The following TNFRSF4 variants were observed in gnomAD, a reference collection of about 807,000 sequenced individuals.
TNFRSF4 encodes the protein TNF receptor superfamily member 4.
Under a neutral mutation model 29.5 loss-of-function variants are expected in TNFRSF4, and 21 were observed. That is an observed-to-expected ratio of 0.71 (90% CI 0.51 to 1.03). The LOEUF (loss-of-function observed/expected upper bound fraction) is 1.03. TNFRSF4 is among the 50% of genes least tolerant of loss of function. TNFRSF4 has a pLI of 0.00. For synonymous variants in TNFRSF4, 197 were observed against 172.7 expected (o/e 1.14, Z -1.10); for missense variants, 408 against 387.8 (o/e 1.05, Z -0.44).
chr1:1,212,402 T>C (rs1557506376), intron 4 of TNFRSF4, among the ~76,000 whole-genome samples: 1 of 144,820 alleles, frequency 6.9e-6, no homozygotes, highest in Non-Finnish European at 1.5e-5. Flanking sequence ...AGGGTGAGGG[T>C]CCCACACACC....
chr1:1,211,697 C>CA lies in TNFRSF4; in HGVS notation c.763+6dup, dbSNP rs777710760. ...GGAGCAGTGCGGCAGGGCCATGAGG[C>CA]ACTCACCAGGGGGCTTGTGGGCATC... On this transcript the variant is annotated splice_region_variant and intron_variant, in intron 6 of 6. Coordinates refer to ENST00000379236, the MANE Select transcript of TNFRSF4 (RefSeq NM_003327.4). 2.5e-6 allele frequency: 4 copies of CA among 1,590,564 alleles called. No individual in the cohort carries two copies. The African/African-American group carries it at 5.4e-5, about 21-fold the overall frequency.
At chr1:1,213,493 C>T in intron 2 of TNFRSF4, 170 bp downstream of exon 2, 1 of 1,468,836 alleles carries the variant, frequency 6.8e-7, no homozygotes, top group South Asian at 1.4e-5. Flanking sequence ...AGGGGGTGCC[C>T]CTGGGAGACG....
At position 1,211,584 on chromosome 1, in the gene TNFRSF4, C is replaced by T. The variant is rs769107435; in HGVS notation, c.805G>A (p.Asp269Asn). The change falls in exon 7 of 7, where the codon GAC becomes AAC. Residue 269 changes from aspartate to asparagine, a missense_variant. By Grantham distance (23) the Asp-to-Asn change is conservative (BLOSUM62 1). Transcript: ENST00000379236. ...FRTPIQEEQA[D>N]AHSTLAKI ...ATCTTGGCCAGGGTGGAGTGGGCGT[C>T]GGCCTGCTCCTCTTGGATGGGGGTC... 6.6e-6 allele frequency: 10 copies of T among 1,517,294 alleles called. No individual in the cohort carries two copies. Among genetic ancestry groups the T allele is most frequent in the South Asian group, 6.5e-5 (5 of 77,026 alleles). 94.0% of individuals were successfully genotyped at this position (1,517,294 alleles called of 1,614,324 possible).
At chr1:1,212,539 ACCTGCCCCCCC>A in intron 4 of TNFRSF4, 88 bp downstream of exon 4, 1 of 62,180 alleles carries the variant, frequency 1.6e-5, no homozygotes, top group Non-Finnish European at 2.8e-5. Flanking sequence ...CCCCCACCCC[ACCTGCCCCCCC>A]AGCCCCTCCC....
chr1:1,212,667 G>A lies in TNFRSF4; in HGVS notation c.408C>T (p.Gly136=), dbSNP rs367869917. 62 of 1,501,262 alleles carry A rather than the reference G, an allele frequency of 4.1e-5. No homozygotes were observed. The highest frequency in any genetic ancestry group is 1.1e-4 in the South Asian group (9 of 81,544). The allele number at this position is 1,501,262 out of a possible 1,614,324, so 93.0% of individuals were successfully genotyped here. A position where few individuals can be genotyped will look rare whatever the true frequency, so the allele number is the denominator to read the frequency against. Residue 136 remains glycine, a synonymous_variant, in exon 4 of 7, where the codon GGC becomes GGT. Coordinates refer to ENST00000379236, the MANE Select transcript of TNFRSF4 (RefSeq NM_003327.4). The stretch of plus-strand genomic sequence containing the variant: ...TCCAGGGCTTGCAGGCCTGGTTGTC[G>A]CCTGGGGAGAAGTGCCCTGGAGGGC... ...APCPPGHFSP[G]DNQACKPWTN...
rs572485380 is a variant in TNFRSF4, at chr1:1,213,733, C to A, written c.198G>T (p.Pro66=). Residue 66 remains proline (P), a synonymous_variant, in exon 2 of 7, where the codon CCG becomes CCT. Coordinates refer to ENST00000379236, the MANE Select transcript of TNFRSF4 (RefSeq NM_003327.4). The part of the protein sequence containing the change: ...CSRSQNTVCR[P]CGPGFYNDVV... ...CGTCGTTGTAGAAGCCCGGCCCGCACGGACGGCACACCGTGTTCTGGGAGC... is the reference window on the plus strand; with the variant it reads ...CGTCGTTGTAGAAGCCCGGCCCGCAAGGACGGCACACCGTGTTCTGGGAGC... 1.2e-6 allele frequency: 2 copies of A among 1,602,406 alleles called. No homozygotes were observed. Among genetic ancestry groups the A allele is most frequent in the South Asian group, 1.1e-5 (1 of 89,012 alleles).
chr1:1,213,650 G>T lies in TNFRSF4; in HGVS notation c.268+13C>A. 1 of 1,580,576 alleles carries T rather than the reference G, an allele frequency of 6.3e-7. No individual in the cohort carries two copies. On this transcript the variant is annotated intron_variant, in intron 2 of 6. Transcript: ENST00000379236. Reference sequence around the variant, plus strand: ...TGTGCTGGGTGGGGCTGTGGGGCCAGGTGGGAGCTCACTGAGGTTACACCA... The same window carrying T: ...TGTGCTGGGTGGGGCTGTGGGGCCATGTGGGAGCTCACTGAGGTTACACCA...
intron 2 of TNFRSF4, 148 bp from the exon 3 acceptor site, chr1:1,213,241 C>A: frequency 6.5e-7 from 1 of 1,534,098 alleles, no homozygotes; most frequent in Non-Finnish European, 8.7e-7. Context: ...CTTGGAGCCC[C>A]TGCAGCCCCC....
At chr1:1,212,253 C>T (rs1649175693) in intron 4 of TNFRSF4, 115 bp from the exon 5 acceptor site, 1 of 1,228,452 alleles carries the variant, frequency 8.1e-7, no homozygotes, top group Admixed American at 2.1e-5. Flanking sequence ...CCACAGACAC[C>T]AGGCCAGTGA....
rs2100950598 is a variant in TNFRSF4 at position 1,212,030 on chromosome 1, G to A, written c.546C>T (p.Pro182=). ...PATQPQETQG[P]PARPITVQPT... is the part of the protein sequence containing the mutation. ...GCTGGACAGTGATGGGCCTGGCCGG[G>A]GGGCCCTGGGTCTCCTGGGGCTGCG... Residue 182 remains proline (P), a synonymous_variant, in exon 5 of 7, where the codon CCC becomes CCT. Transcript: ENST00000379236. 2 of 1,611,202 alleles carry A rather than the reference G, an allele frequency of 1.2e-6. No individual in the cohort carries two copies. The highest frequency in any genetic ancestry group is 1.7e-6 in the Non-Finnish European group (2 of 1,179,226).
In TNFRSF4 at chr1:1,211,961, C is replaced by T; in HGVS notation, c.615G>A (p.Arg205=). ...CCTTACCCCCGGGGACCTCCACGGG[C>T]CGGGTGGAGGGTCCCTGTGAGGTTC... ...WPRTSQGPST[R]PVEVPGGRAV... Residue 205 remains arginine (R), a synonymous_variant, in exon 5 of 7, where the codon CGG becomes CGA. Coordinates refer to ENST00000379236, the MANE Select transcript of TNFRSF4 (RefSeq NM_003327.4). 1 of 1,582,752 alleles carries T rather than the reference C, an allele frequency of 6.3e-7. No individual in the cohort carries two copies. The highest frequency in any genetic ancestry group is 8.6e-7 in the Non-Finnish European group (1 of 1,165,948).
chr1:1,212,578 G>A lies in TNFRSF4; in HGVS notation c.437+60C>T, dbSNP rs1182128399. The A allele has an allele frequency of 7.3e-5, 27 of 367,434 alleles. No individual in the cohort carries two copies. In the Admixed American group the frequency reaches 1.0e-3, roughly 14 times the overall value. 22.8% of individuals were successfully genotyped at this position (367,434 alleles called of 1,614,324 possible). A position where few individuals can be genotyped will look rare whatever the true frequency, so the allele number is the denominator to read the frequency against. ...CCCCTCCCAGCTCCCCAGCTCCTCCGCCCTCCTAACCACCCCAACCCCCCC... is the reference window on the plus strand; with the variant it reads ...CCCCTCCCAGCTCCCCAGCTCCTCCACCCTCCTAACCACCCCAACCCCCCC... On this transcript the variant is annotated intron_variant, in intron 4 of 6. Transcript: ENST00000379236.
rs1056556237 is a variant in TNFRSF4 at position 1,212,209 on chromosome 1, A to T, written c.438-71T>A. The T allele has an allele frequency of 1.9e-6, 3 of 1,541,862 alleles. No individual in the cohort carries two copies. In the African/African-American group the frequency reaches 4.1e-5, roughly 21 times the overall value. The stretch of plus-strand genomic sequence containing the variant: ...ACCCGGGAGATGCGGTGGGGATAAC[A>T]GGGTCCACGCTGGCCAGCCACAGGC... On this transcript the variant is annotated intron_variant, in intron 4 of 6. Transcript: ENST00000379236.
At chr1:1,212,256 GC>G in intron 4 of TNFRSF4, 118 bp from the exon 5 acceptor site, 1 of 1,173,554 alleles carries the variant, frequency 8.5e-7, no homozygotes, top group Non-Finnish European at 1.2e-6. Context: ...CAGACACCAG[GC>G]CAGTGACAGC....
rs150220682 is a variant in TNFRSF4, at chr1:1,212,106, G to A, written c.470C>T (p.Pro157Leu). 550 of 1,612,624 alleles carry A rather than the reference G, an allele frequency of 3.4e-4. 3 individuals are homozygous for A. In the African/African-American group the frequency reaches 5.5e-3, roughly 16 times the overall value. Residue 157 changes from proline (P) to leucine (L), a missense_variant, in exon 5 of 7, where the codon CCG becomes CTG. Coordinates refer to ENST00000379236, the MANE Select transcript of TNFRSF4 (RefSeq NM_003327.4). ...CTLAGKHTLQ[P>L]ASNSSDAICE... Reference sequence around the variant, plus strand: ...GATTGCGTCCGAGCTATTGCTGGCCGGCTGCAGGGTGTGCTTCCCAGCCAA... The same window carrying A: ...GATTGCGTCCGAGCTATTGCTGGCCAGCTGCAGGGTGTGCTTCCCAGCCAA...
rs777345366 is a variant in TNFRSF4, at chr1:1,214,092, C to G, written c.36G>C (p.Pro12=). The change falls in exon 1 of 7, where the codon CCG becomes CCC. Residue 12 remains proline (P), a synonymous_variant. Transcript: ENST00000379236. This position sits in a 1 kb window ranked among gnomAD's most constrained non-coding sequence, Gnocchi z 4.2. ...CVGARRLGRG[P]CAALLLLGLG... ...GGCCCAGGAGGAGCAGAGCCGCACA[C>G]GGCCCGCGGCCCAGCCGCCGAGCCC... The G allele has an allele frequency of 1.9e-6, 3 of 1,586,224 alleles. No homozygotes were observed. In the South Asian group the frequency reaches 3.4e-5, roughly 18 times the overall value.
chr1:1,211,890 C>G (rs1649138410), intron 5 of TNFRSF4, 52 bp downstream of exon 5: 3 of 1,509,340 alleles, frequency 2.0e-6, no homozygotes, highest in Non-Finnish European at 2.6e-6. Context: ...GCCGCCCTCC[C>G]CTTCTCCTAT....
Position 1,211,722 on chromosome 1 carries a change from C to A in TNFRSF4, c.745G>T (p.Asp249Tyr). 6.3e-7 allele frequency: 1 copy of A among 1,585,170 alleles called. No individual in the cohort carries two copies. Among genetic ancestry groups the A allele is most frequent in the South Asian group, 1.1e-5 (1 of 87,908 alleles). Reference sequence around the variant, plus strand: ...CACTCACCAGGGGGCTTGTGGGCATCGGGGGGCAGCCTCTGGTCCCTCCGG... The same window carrying A: ...CACTCACCAGGGGGCTTGTGGGCATAGGGGGGCAGCCTCTGGTCCCTCCGG... ...LLRRDQRLPP[D>Y]AHKPPGGGSF... is the part of the protein sequence containing the mutation. The change falls in exon 6 of 7, where the codon GAT becomes TAT. Residue 249 changes from aspartate to tyrosine, a missense_variant. Asp to Tyr is a radical substitution (Grantham distance 160). Coordinates refer to ENST00000379236, the MANE Select transcript of TNFRSF4 (RefSeq NM_003327.4).
At chr1:1,213,334 C>G (rs745992254) in intron 2 of TNFRSF4, 7 of 1,527,306 alleles carry the variant, frequency 4.6e-6, no homozygotes, top group East Asian at 2.5e-5. Context: ...ACCCCTCCAC[C>G]GCCTCCAGCC....
Sources: allele counts gnomAD v4.1 joint callset (sites outside exome capture counted in the v4.1 genomes callset), GRCh38; gene constraint gnomAD v4.1.1; non-coding constraint Gnocchi (gnomAD v3.1); transcripts MANE v1.5; gene names NCBI Gene and HGNC (gene_info 2026-07-23, HGNC 2026-07-21).